The following ZMYM5 variants were observed in gnomAD, a reference collection of about 807,000 sequenced individuals.
ZMYM5 encodes the protein zinc finger MYM-type containing 5, also known as zinc finger MYM-type protein 5.
In ZMYM5, 41 loss-of-function variants were observed where a neutral mutation model predicts 61.8. That is an observed-to-expected ratio of 0.66 (90% CI 0.52 to 0.86). The LOEUF is 0.86. ZMYM5 is among the 40% of genes least tolerant of loss of function. The pLI, the probability that ZMYM5 is intolerant of heterozygous loss-of-function variation, is 0.00. For missense variants in ZMYM5, 706 were observed against 786.7 expected, an observed-to-expected ratio of 0.90 and a Z score of 1.23; for synonymous variants, 257 against 276.4, an observed-to-expected ratio of 0.93 and a Z score of 0.70.
intron 4 of ZMYM5, among the ~76,000 whole-genome samples, chr13:19,848,090 C>T (rs192267538): frequency 2.6e-5 from 4 of 152,094 alleles, no homozygotes; most frequent in African/African-American, 9.6e-5. Context: ...CATGCCTCAG[C>T]CTCCCAAGTA....
At chr13:19,842,353 G>A (rs778986647) in intron 4 of ZMYM5, among the ~76,000 whole-genome samples, 1 of 152,068 alleles carries the variant, frequency 6.6e-6, no homozygotes, top group Non-Finnish European at 1.5e-5. Context: ...TTTTTCTCTT[G>A]TACTACAAAA....
chr13:19,844,927 C>G (rs1045682199), intron 4 of ZMYM5, among the ~76,000 whole-genome samples: 2 of 152,170 alleles, frequency 1.3e-5, no homozygotes, highest in African/African-American at 4.8e-5. Flanking sequence ...CCCGCTGAAA[C>G]TCTTATGCTG....
At chr13:19,848,652 G>A (rs1464513581) in intron 4 of ZMYM5, among the ~76,000 whole-genome samples, 5 of 152,004 alleles carry the variant, frequency 3.3e-5, no homozygotes, top group Admixed American at 6.6e-5. Context: ...TCCTGCCTCA[G>A]CCTCCTGAGT....
At chr13:19,859,588 TTG>T (rs1953651675) in intron 2 of ZMYM5, among the ~76,000 whole-genome samples, 7 of 151,698 alleles carry the variant, frequency 4.6e-5, no homozygotes, top group Admixed American at 2.0e-4. Context: ...TTTGTATTTT[TTG>T]TAAAGATGGG....
rs140130993 is a variant in ZMYM5 at position 19,843,535 on chromosome 13, A to C, written c.587-4550T>G. 4 of 152,158 alleles carry C rather than the reference A, an allele frequency of 2.6e-5. No individual in the cohort carries two copies. In the East Asian group the frequency reaches 7.7e-4, roughly 29 times the overall value. 9.4% of individuals were successfully genotyped at this position (152,158 alleles called of 1,614,324 possible). A position where few individuals can be genotyped will look rare whatever the true frequency, so the allele number is the denominator to read the frequency against. The stretch of plus-strand genomic sequence containing the variant: ...GTAAGAAAGTATTATAAAACAAATA[A>C]AGAGTGAAAGAAATAAACAGGCACA... On this transcript the variant is annotated intron_variant, in intron 4 of 7. Coordinates refer to ENST00000337963, the MANE Select transcript of ZMYM5 (RefSeq NM_001142684.2).
At chr13:19,842,244 T>C (rs982964397) in intron 4 of ZMYM5, among the ~76,000 whole-genome samples, 2 of 152,192 alleles carry the variant, frequency 1.3e-5, no homozygotes, top group African/African-American at 2.4e-5. Context: ...GCCAGACCCT[T>C]TCCCGCAGGG....
intron 4 of ZMYM5, among the ~76,000 whole-genome samples, chr13:19,841,581 G>T (rs1952879868): frequency 6.6e-6 from 1 of 152,070 alleles, no homozygotes. Flanking sequence ...AGTTACCTAG[G>T]TATCAGAAAT....
chr13:19,843,227 C>T (rs1176675473), intron 4 of ZMYM5, among the ~76,000 whole-genome samples: 1 of 150,518 alleles, frequency 6.6e-6, no homozygotes, highest in East Asian at 2.0e-4. Context: ...AAGTGATTCT[C>T]GTGCCTCAGT....
chr13:19,825,127 T>C lies in ZMYM5; in HGVS notation c.1360A>G (p.Lys454Glu). ...QLYGSSNTLL[K>E]KIEGIPEKKE... Reference sequence around the variant, plus strand: ...TTTTCTGGGATTCCCTCTATTTTTTTCAAAAGTGTATTTGACGATCCATAT... The same window carrying C: ...TTTTCTGGGATTCCCTCTATTTTTTCCAAAAGTGTATTTGACGATCCATAT... Residue 454 changes from lysine to glutamate, a missense_variant, in exon 8 of 8, where the codon AAA becomes GAA. By Grantham distance (56) the Lys-to-Glu change is moderately conservative. Transcript: ENST00000337963. 7.3e-7 allele frequency: 1 copy of C among 1,360,872 alleles called. No homozygotes were observed. Among genetic ancestry groups the C allele is most frequent in the Non-Finnish European group, 9.8e-7 (1 of 1,018,540 alleles). 84.3% of individuals were successfully genotyped at this position (1,360,872 alleles called of 1,614,324 possible). A position where few individuals can be genotyped will look rare whatever the true frequency, so the allele number is the denominator to read the frequency against.
chr13:19,838,862 G>T lies in ZMYM5; in HGVS notation c.710C>A (p.Thr237Asn), dbSNP rs114961725. The T allele has an allele frequency of 7.4e-6, 12 of 1,614,134 alleles. 1 individual carries two copies. The East Asian group carries it at 2.5e-4, about 33-fold the overall frequency. The change falls in exon 5 of 8, where the codon ACT becomes AAT. Residue 237 changes from threonine (T) to asparagine (N), a missense_variant. This residue lies in a region of ZMYM5 where 480 missense variants were observed against 461.7 expected (regional missense o/e 1.04). Transcript: ENST00000337963. Reference sequence around the variant, plus strand: ...TGCACAAGTGATTTTAGCTGGTTTAGTAAGTTGTTGTTGGGCTGTAGGCTG... The same window carrying T: ...TGCACAAGTGATTTTAGCTGGTTTATTAAGTTGTTGTTGGGCTGTAGGCTG... The part of the protein sequence containing the change: ...NFQPTAQQQL[T>N]KPAKITCANC...
Position 19,852,000 on chromosome 13 carries a change from CA to C in ZMYM5, c.180del (p.Val61CysfsTer16). On this transcript the variant is annotated frameshift_variant, in exon 3 of 8. Coordinates refer to ENST00000337963, the MANE Select transcript of ZMYM5 (RefSeq NM_001142684.2). LOFTEE classifies it high-confidence loss of function. ...PVEDDDDDDDVVFIESIQPPS... is the reference protein window; with the variant it reads ...PVEDDDDDDDXVFIESIQPPS... ...GGAGGTTGTATAGATTCAATAAACA[CA>C]ACATCATCATCATCATCATCATCTT... 6.2e-7 allele frequency: 1 copy of C among 1,613,478 alleles called. No homozygotes were observed. Among genetic ancestry groups the C allele is most frequent in the Non-Finnish European group, 8.5e-7 (1 of 1,179,600 alleles).
intron 2 of ZMYM5, among the ~76,000 whole-genome samples, chr13:19,855,307 G>C (rs539621923): frequency 1.3e-5 from 2 of 151,912 alleles, no homozygotes; most frequent in East Asian, 3.9e-4. Context: ...CTGTCGCCCA[G>C]GCTGGAGTGC....
intron 2 of ZMYM5, among the ~76,000 whole-genome samples, chr13:19,860,366 C>T (rs1953691607): frequency 6.6e-6 from 1 of 150,454 alleles, no homozygotes; most frequent in African/African-American, 2.4e-5. Flanking sequence ...AATCTCGGCT[C>T]ACCATAACCT....
chr13:19,839,402 T>C (rs538261133), intron 4 of ZMYM5, among the ~76,000 whole-genome samples: 6 of 152,266 alleles, frequency 3.9e-5, no homozygotes, highest in Admixed American at 1.3e-4. Context: ...ACTTTTTTTT[T>C]TTTTGAGACA....
At chr13:19,848,890 A>T (rs1431996570) in intron 4 of ZMYM5, among the ~76,000 whole-genome samples, 2 of 152,122 alleles carry the variant, frequency 1.3e-5, no homozygotes, top group Non-Finnish European at 2.9e-5. Flanking sequence ...ATACCTGGCT[A>T]AAGCTTTAAT....
intron 4 of ZMYM5, among the ~76,000 whole-genome samples, chr13:19,848,032 A>G (rs187320904): frequency 0.014 from 2,177 of 150,908 alleles, 51 homozygotes; most frequent in African/African-American, 0.051. Context: ...GTGCAGTGGC[A>G]TGATCTCAGC....
chr13:19,853,519 C>T (rs1566107283), intron 2 of ZMYM5, among the ~76,000 whole-genome samples: 1 of 151,974 alleles, frequency 6.6e-6, no homozygotes, highest in Non-Finnish European at 1.5e-5. Flanking sequence ...TCTCGAACCC[C>T]TGAGCTCAAG....
At chr13:19,860,603 C>T (rs991089641) in intron 2 of ZMYM5, among the ~76,000 whole-genome samples, 1 of 151,092 alleles carries the variant, frequency 6.6e-6, no homozygotes, top group Non-Finnish European at 1.5e-5. Context: ...ATGCCCAGCC[C>T]ATTTTTGTAT....
chr13:19,859,917 A>AAC (rs1296824122), intron 2 of ZMYM5, among the ~76,000 whole-genome samples: 1 of 150,152 alleles, frequency 6.7e-6, no homozygotes, highest in Non-Finnish European at 1.5e-5. Context: ...CAGCCTGGCC[A>AAC]ACATGGTCAG....
Sources: gnomAD v4.1 joint callset for allele counts (sites outside exome capture counted in the v4.1 genomes callset) on GRCh38, gnomAD v4.1.1 for gene constraint, gnomAD v4.1.1 regional missense constraint, MANE v1.5 for transcripts, NCBI Gene and HGNC (gene_info 2026-07-23, HGNC 2026-07-21) for gene names.